Variants in RABL3 observed in about 807,000 individuals in gnomAD.
RABL3 encodes rab-like protein 3.
In RABL3, 31 loss-of-function variants were observed where a neutral mutation model predicts 31.8. That is an observed-to-expected ratio of 0.97 (90% CI 0.73 to 1.31). RABL3 has a LOEUF of 1.31. Ranked by LOEUF, RABL3 falls within the 40% of genes most tolerant of loss-of-function variation. The pLI is 0.00. For missense variants in RABL3, 263 were observed against 279.6 expected (o/e 0.94, Z 0.42); for synonymous variants, 97 against 99.9 (o/e 0.97, Z 0.18).
chr3:120,740,366 ATCT>A (rs1002479704), intron 1 of RABL3, among the ~76,000 whole-genome samples: 1 of 152,058 alleles, frequency 6.6e-6, no homozygotes, highest in Admixed American at 6.6e-5. Context: ...GGCTCAAGTG[ATCT>A]TCTCACCTCA....
In RABL3 at chr3:120,696,645, G is replaced by C. The variant is rs111937289; in HGVS notation, c.534+1778C>G. On this transcript the variant is annotated intron_variant, in intron 5 of 7. Transcript: ENST00000273375. ...CACACACACATGCACGCGATTATCAGAGAAACCCACAGGCACTAGAAACAG... is the reference window on the plus strand; with the variant it reads ...CACACACACATGCACGCGATTATCACAGAAACCCACAGGCACTAGAAACAG... Among the ~76,000 whole-genome samples, 394 of 151,688 alleles carry C rather than the reference G, an allele frequency of 2.6e-3. 1 individual carries two copies. The highest frequency in any genetic ancestry group is 4.0e-3 in the Non-Finnish European group (274 of 67,916).
At position 120,691,284 on chromosome 3, in the gene RABL3, T is replaced by G. The variant is rs373920054; in HGVS notation, c.607-797A>C. On this transcript the variant is annotated intron_variant, in intron 6 of 7. Transcript: ENST00000273375. ...TTTTCAAGAATAATAAATTCTGTTCTGACACTTGAGAAACTGCAATGGTTA... is the reference window on the plus strand; with the variant it reads ...TTTTCAAGAATAATAAATTCTGTTCGGACACTTGAGAAACTGCAATGGTTA... Among the ~76,000 whole-genome samples, 122 of 152,354 alleles carry G rather than the reference T, an allele frequency of 8.0e-4. 1 individual carries two copies. Among genetic ancestry groups the G allele is most frequent in the African/African-American group, 2.8e-3 (118 of 41,582 alleles).
chr3:120,727,967 G>C (rs1708841756), intron 2 of RABL3, among the ~76,000 whole-genome samples: 1 of 152,088 alleles, frequency 6.6e-6, no homozygotes. Flanking sequence ...AAATCCTCCA[G>C]CAAATACTTT....
At chr3:120,733,153 G>C (rs1576347772) in intron 1 of RABL3, among the ~76,000 whole-genome samples, 1 of 152,312 alleles carries the variant, frequency 6.6e-6, no homozygotes, top group East Asian at 1.9e-4. Flanking sequence ...CTTCCACAAT[G>C]GATGAACTAG....
intron 2 of RABL3, among the ~76,000 whole-genome samples, chr3:120,720,136 A>T (rs768474180): frequency 2.0e-5 from 3 of 152,232 alleles, no homozygotes; most frequent in Non-Finnish European, 4.4e-5. Context: ...TGACTGTTAG[A>T]AGGAAAACTA....
intron 2 of RABL3, among the ~76,000 whole-genome samples, chr3:120,723,500 G>C (rs564652190): frequency 6.6e-6 from 1 of 152,222 alleles, no homozygotes; most frequent in Non-Finnish European, 1.5e-5. Context: ...AACAAAAAAA[G>C]AGAATTTTTG....
At chr3:120,719,535 G>T (rs892895084) in intron 2 of RABL3, among the ~76,000 whole-genome samples, 1 of 152,204 alleles carries the variant, frequency 6.6e-6, no homozygotes, top group African/African-American at 2.4e-5. Context: ...TTAGCAAAAG[G>T]CACACCAGAA....
chr3:120,722,235 A>C (rs191178893), intron 2 of RABL3: 7 of 152,308 alleles, frequency 4.6e-5, no homozygotes, highest in Non-Finnish European at 7.3e-5. Flanking sequence ...ATAATTGAAC[A>C]ACCTTCCACT....
chr3:120,711,752 T>A (rs2107583802), intron 2 of RABL3, among the ~76,000 whole-genome samples: 1 of 152,306 alleles, frequency 6.6e-6, no homozygotes, highest in South Asian at 2.1e-4. Flanking sequence ...TAATTTTTTT[T>A]AAGAAATATA....
intron 1 of RABL3, among the ~76,000 whole-genome samples, chr3:120,736,663 G>C (rs1708969981): frequency 6.6e-6 from 1 of 152,160 alleles, no homozygotes; most frequent in Non-Finnish European, 1.5e-5. Flanking sequence ...TTTTGCAGTG[G>C]CTGGTACCAG....
At chr3:120,695,861 A>G (rs1708430251) in intron 5 of RABL3, among the ~76,000 whole-genome samples, 1 of 152,186 alleles carries the variant, frequency 6.6e-6, no homozygotes, top group African/African-American at 2.4e-5. Context: ...AAACAAAAAA[A>G]CACCCCCAAA....
chr3:120,727,633 G>A (rs1356492641), intron 2 of RABL3, among the ~76,000 whole-genome samples: 1 of 151,256 alleles, frequency 6.6e-6, no homozygotes, highest in Non-Finnish European at 1.5e-5. Flanking sequence ...AACCCACAAT[G>A]AGATTACAAG....
intron 1 of RABL3, among the ~76,000 whole-genome samples, chr3:120,733,816 C>G (rs1324592479): frequency 6.6e-6 from 1 of 152,136 alleles, no homozygotes; most frequent in Non-Finnish European, 1.5e-5. Flanking sequence ...ATAGGGAATC[C>G]TTTCCCCATT....
chr3:120,706,386 C>T (rs1298662310), intron 3 of RABL3, among the ~76,000 whole-genome samples: 1 of 152,114 alleles, frequency 6.6e-6, no homozygotes, highest in East Asian at 1.9e-4. Flanking sequence ...CTTCATTCAA[C>T]ACTTCCTGAG....
Position 120,689,898 on chromosome 3 carries a change from A to T in RABL3, c.646-10T>A. On this transcript the variant is annotated splice_polypyrimidine_tract_variant and intron_variant, in intron 7 of 7. Coordinates refer to ENST00000273375, the MANE Select transcript of RABL3 (RefSeq NM_173825.5). ...CAGGAAAGCCTGGAATCTGTAGGCA[A>T]GAAAGATAATTGCATTAAGTCTCAA... 1 of 1,608,362 alleles carries T rather than the reference A, an allele frequency of 6.2e-7. No individual in the cohort carries two copies. The highest frequency in any genetic ancestry group is 1.1e-5 in the South Asian group (1 of 90,908).
intron 1 of RABL3, among the ~76,000 whole-genome samples, chr3:120,737,405 A>G (rs1215393661): frequency 6.6e-6 from 1 of 152,184 alleles, no homozygotes; most frequent in Non-Finnish European, 1.5e-5. Context: ...TACATTGGTT[A>G]TTCTAGTTAG....
intron 1 of RABL3, among the ~76,000 whole-genome samples, chr3:120,731,869 T>C (rs967906808): frequency 2.6e-5 from 4 of 152,028 alleles, no homozygotes; most frequent in South Asian, 4.2e-4. Flanking sequence ...CTGGGCAACA[T>C]AGCAAGACTG....
chr3:120,728,054 A>G (rs1366109099), intron 2 of RABL3, among the ~76,000 whole-genome samples: 1 of 152,222 alleles, frequency 6.6e-6, no homozygotes, highest in Non-Finnish European at 1.5e-5. Flanking sequence ...ACTTCTATTC[A>G]ACATTGTACT....
At chr3:120,723,642 AC>A (rs1211911055) in intron 2 of RABL3, among the ~76,000 whole-genome samples, 3 of 152,238 alleles carry the variant, frequency 2.0e-5, no homozygotes, top group African/African-American at 7.2e-5. Flanking sequence ...GGCTGGTTCA[AC>A]ATACGCAAAT....
Sources: gnomAD v4.1 joint callset for allele counts (sites outside exome capture counted in the v4.1 genomes callset) on GRCh38, gnomAD v4.1.1 for gene constraint, MANE v1.5 for transcripts, NCBI Gene and HGNC (gene_info 2026-07-23, HGNC 2026-07-21) for gene names.